P4HTM: variants seen among roughly 807,000 people sequenced by gnomAD.
The protein encoded by P4HTM is prolyl 4-hydroxylase, transmembrane.
A neutral mutation model predicts 55.3 loss-of-function variants in P4HTM; 33 were observed. The observed-to-expected ratio is 0.60, with a 90% confidence interval of 0.45 to 0.80. The LOEUF is 0.80. Among genes scored for constraint, P4HTM ranks in the 30% least tolerant of loss-of-function variants. The pLI, the probability that P4HTM is intolerant of heterozygous loss-of-function variation, is 0.00. For missense variants in P4HTM, 542 were observed against 696.5 expected, an observed-to-expected ratio of 0.78 and a Z score of 2.50; for synonymous variants, 272 against 286.4, an observed-to-expected ratio of 0.95 and a Z score of 0.51.
chr3:48,990,640 A>G lies in P4HTM; in HGVS notation c.354+30A>G, dbSNP rs2092928250. On this transcript the variant is annotated intron_variant, in intron 1 of 8. Coordinates refer to ENST00000383729, the MANE Select transcript of P4HTM (RefSeq NM_177939.3). The surrounding 1 kb of genome is among the most constrained non-coding windows in gnomAD (Gnocchi z 7.2). ...GGACCTCCCTGCCCCGCCGCGCTCC[A>G]GGCCCTGCACGGCTGAGCCCGAGAG... is the stretch of plus-strand genomic sequence containing the variant. The G allele has an allele frequency of 6.6e-6, 10 of 1,525,570 alleles. No homozygotes were observed. The highest frequency in any genetic ancestry group is 8.8e-6 in the Non-Finnish European group (10 of 1,134,714). The allele number at this position is 1,525,570 out of a possible 1,614,324, so 94.5% of individuals were successfully genotyped here. A position where few individuals can be genotyped will look rare whatever the true frequency, so the allele number is the denominator to read the frequency against.
intron 4 of P4HTM, chr3:49,003,740 A>G (rs1015054777): frequency 1.5e-5 from 3 of 195,194 alleles, no homozygotes; most frequent in South Asian, 1.1e-4. Context: ...CAGGCCGGAG[A>G]GTGGCCACCA....
chr3:49,000,393 TAAAA>T (rs1357048794), intron 2 of P4HTM, among the ~76,000 whole-genome samples: 1 of 151,764 alleles, frequency 6.6e-6, no homozygotes, highest in Non-Finnish European at 1.5e-5. Context: ...CTACAAAAAA[TAAAA>T]AAATAAAAAA....
intron 2 of P4HTM, among the ~76,000 whole-genome samples, chr3:48,998,650 G>A (rs1442603385): frequency 6.6e-6 from 1 of 152,166 alleles, no homozygotes; most frequent in Non-Finnish European, 1.5e-5. Flanking sequence ...CCTGCACCTT[G>A]GGCCTTTACT....
intron 5 of P4HTM, 65 bp from the exon 6 acceptor site, chr3:49,004,796 T>C: frequency 6.5e-7 from 1 of 1,530,846 alleles, no homozygotes; most frequent in Non-Finnish European, 8.8e-7. Context: ...GGGTCCACCT[T>C]GGCCAGCTCC....
At chr3:48,995,475 G>A (rs1475133165) in intron 2 of P4HTM, among the ~76,000 whole-genome samples, 3 of 152,126 alleles carry the variant, frequency 2.0e-5, no homozygotes, top group African/African-American at 4.8e-5. Context: ...ACTATTTTCC[G>A]TATTTATTTG....
At chr3:49,001,010 T>C (rs1461012882) in intron 2 of P4HTM, 3 of 270,376 alleles carry the variant, frequency 1.1e-5, no homozygotes, top group East Asian at 9.3e-5. Context: ...CTGTTTTTAT[T>C]TGAATAATGC....
At position 49,005,773 on chromosome 3, in the gene P4HTM, A is replaced by T. The variant is rs764298071; in HGVS notation, c.1074-4A>T. On this transcript the variant is annotated splice_polypyrimidine_tract_variant and splice_region_variant and intron_variant, in intron 6 of 8. Transcript: ENST00000383729. ...ACCTGCTCAGTGCCCCCCCTGCCTT[A>T]CAGCTACATGACAGTGCTGTTTTAT... The T allele has an allele frequency of 2.5e-6, 4 of 1,597,590 alleles. No homozygotes were observed. Among genetic ancestry groups the T allele is most frequent in the Admixed American group, 3.5e-5 (2 of 57,172 alleles).
chr3:48,993,859 C>CAAAAAAAAAAAA (rs60867672), intron 2 of P4HTM, among the ~76,000 whole-genome samples: 1 of 43,800 alleles, frequency 2.3e-5, no homozygotes, highest in Admixed American at 2.5e-4. Context: ...GACTCCATCA[C>CAAAAAAAAAAAA]AAAAAAAAAA....
Position 49,006,091 on chromosome 3 carries a change from C to G in P4HTM, c.1192C>G (p.Arg398Gly). The G allele has an allele frequency of 6.2e-7, 1 of 1,612,924 alleles. No homozygotes were observed. Among genetic ancestry groups the G allele is most frequent in the Non-Finnish European group, 8.5e-7 (1 of 1,179,856 alleles). The change falls in exon 8 of 9, where the codon CGT (arginine) becomes GGT (glycine). Residue 398 changes from arginine (R) to glycine (G), a missense_variant. Around this residue, in one of 2 missense-constraint regions of P4HTM, gnomAD observed 536 missense variants for 672.1 expected, o/e 0.80. Transcript: ENST00000383729. ...TCTGATTCAGGATGACGTGGACCTC[C>G]GTGACACACGGAGGCACTGTGACAA... ...MSLIQDDVDL[R>G]DTRRHCDKGN...
chr3:49,001,302 G>A (rs145161792), intron 2 of P4HTM, 136 bp from the exon 3 acceptor site: 3 of 778,622 alleles, frequency 3.9e-6, no homozygotes, highest in South Asian at 2.9e-5. Context: ...CAAGGGGTCT[G>A]TAAAATCCTC....
rs1279306511 is a variant in P4HTM at position 49,002,275 on chromosome 3, C to T, written c.628-225C>T. Among the ~76,000 whole-genome samples the T allele has an allele frequency of 1.3e-5, 2 of 152,264 alleles. No homozygotes were observed. The highest frequency in any genetic ancestry group is 1.5e-5 in the Non-Finnish European group (1 of 68,050). ...CCATGAAGGCCACGGGGCCTTAGTC[C>T]GGGAATGCAAATGGCCTACGCCTCT... On this transcript the variant is annotated intron_variant, in intron 3 of 8. Coordinates refer to ENST00000383729, the MANE Select transcript of P4HTM (RefSeq NM_177939.3). This position sits in a 1 kb window ranked among gnomAD's most constrained non-coding sequence, Gnocchi z 4.4.
rs778610524 is a variant in P4HTM at position 48,990,944 on chromosome 3, C to T, written c.436+30C>T. On this transcript the variant is annotated intron_variant, in intron 2 of 8. Transcript: ENST00000383729. The surrounding 1 kb of genome is among the most constrained non-coding windows in gnomAD (Gnocchi z 7.2). ...GTCCGCCAGATACTCCTGGGAAGGGCCAGGGGCTGCGGTTTGGTGGCCACC... is the reference window on the plus strand; with the variant it reads ...GTCCGCCAGATACTCCTGGGAAGGGTCAGGGGCTGCGGTTTGGTGGCCACC... The T allele has an allele frequency of 6.3e-6, 10 of 1,581,786 alleles. No individual in the cohort carries two copies. Among genetic ancestry groups the T allele is most frequent in the Non-Finnish European group, 7.8e-6 (9 of 1,152,224 alleles).
upstream of P4HTM, chr3:48,990,139 C>T (rs1224898049): frequency 1.0e-6 from 1 of 979,330 alleles, no homozygotes; most frequent in Non-Finnish European, 1.2e-6. This position sits in a 1 kb window ranked among gnomAD's most constrained non-coding sequence, Gnocchi z 7.2. Flanking sequence ...TCAGCACCCC[C>T]AGGCACCGTC....
Position 49,006,838 on chromosome 3 carries a change from AG to A in P4HTM, c.1445del (p.Gly482AlafsTer51). ...QQEMARLARE[G>X]GTDSQPEWAL... The stretch of plus-strand genomic sequence containing the variant: ...AGGAGATGGCCCGCCTTGCCCGAGA[AG>A]GGGGCACCGACTCACAGCCCGAGTG... On this transcript the variant is annotated frameshift_variant, in exon 9 of 9. Transcript: ENST00000383729. LOFTEE classifies it high-confidence loss of function. 6.2e-7 allele frequency: 1 copy of A among 1,613,244 alleles called. No homozygotes were observed. Among genetic ancestry groups the A allele is most frequent in the Non-Finnish European group, 8.5e-7 (1 of 1,179,998 alleles).
chr3:49,002,693 G>T lies in P4HTM; in HGVS notation c.724+97G>T. ...ACTTGGGCCCTTCCCCCACAGCCAG[G>T]CAGCCTCTCTGCACCCCTTTATAGT... On this transcript the variant is annotated intron_variant, in intron 4 of 8. Coordinates refer to ENST00000383729, the MANE Select transcript of P4HTM (RefSeq NM_177939.3). The surrounding 1 kb of genome is among the most constrained non-coding windows in gnomAD (Gnocchi z 4.4). The T allele has an allele frequency of 1.1e-6, 1 of 902,020 alleles. No individual in the cohort carries two copies. The highest frequency in any genetic ancestry group is 1.8e-5 in the Admixed American group (1 of 56,558). 55.9% of individuals were successfully genotyped at this position (902,020 alleles called of 1,614,324 possible). A position where few individuals can be genotyped will look rare whatever the true frequency, so the allele number is the denominator to read the frequency against.
At chr3:49,000,805 C>T (rs566842460) in intron 2 of P4HTM, among the ~76,000 whole-genome samples, 1 of 152,220 alleles carries the variant, frequency 6.6e-6, no homozygotes, top group Admixed American at 6.5e-5. Context: ...AACATTTGTA[C>T]CAGGGAAGGA....
Position 48,990,308 on chromosome 3 carries a change from G to A in P4HTM, c.52G>A (p.Glu18Lys). Residue 18 changes from glutamate to lysine, a missense_variant, in exon 1 of 9, where the codon GAG (glutamate) becomes AAG (lysine). This residue lies in a region of P4HTM where 536 missense variants were observed against 672.1 expected (regional missense o/e 0.80). Transcript: ENST00000383729. This position sits in a 1 kb window ranked among gnomAD's most constrained non-coding sequence, Gnocchi z 7.2. ...GQRPETAAAE[E>K]ASRPQWAPPD... ...GCGGCCTGAGACCGCGGCGGCCGAG[G>A]AGGCCTCGAGGCCGCAGTGGGCGCC... 1 of 1,353,524 alleles carries A rather than the reference G, an allele frequency of 7.4e-7. No homozygotes were observed. The highest frequency in any genetic ancestry group is 9.4e-7 in the Non-Finnish European group (1 of 1,059,336). 83.8% of individuals were successfully genotyped at this position (1,353,524 alleles called of 1,614,324 possible). A position where few individuals can be genotyped will look rare whatever the true frequency, so the allele number is the denominator to read the frequency against.
intron 2 of P4HTM, among the ~76,000 whole-genome samples, chr3:48,996,760 G>A (rs1202266262): frequency 6.6e-6 from 1 of 152,174 alleles, no homozygotes; most frequent in Non-Finnish European, 1.5e-5. Context: ...GACCGGTAAA[G>A]GTTAATCAGG....
intron 2 of P4HTM, chr3:48,996,088 G>A (rs2092944788): frequency 6.6e-6 from 1 of 152,170 alleles, no homozygotes; most frequent in Admixed American, 6.5e-5. Context: ...ATTGCCACCA[G>A]TATACAAAAC....
Sources: gnomAD v4.1 joint callset for allele counts (sites outside exome capture counted in the v4.1 genomes callset) on GRCh38, gnomAD v4.1.1 for gene constraint, gnomAD v4.1.1 regional missense constraint, Gnocchi (gnomAD v3.1) non-coding constraint, MANE v1.5 for transcripts, NCBI Gene and HGNC (gene_info 2026-07-23, HGNC 2026-07-21) for gene names.